The following KDM4A variants were observed in gnomAD, a reference collection of about 807,000 sequenced individuals.
The protein encoded by KDM4A is lysine-specific demethylase 4A.
In KDM4A, 23 loss-of-function variants were observed where a neutral mutation model predicts 127.1. The ratio of observed to expected loss-of-function variants is 0.18; its 90% CI spans 0.13 to 0.26. The LOEUF is 0.26. KDM4A is among the 10% of genes least tolerant of loss of function. The pLI is 1.00. For missense variants in KDM4A, 890 were observed against 1,329.1 expected, an observed-to-expected ratio of 0.67 and a Z score of 5.14; for synonymous variants, 443 against 466.5, an observed-to-expected ratio of 0.95 and a Z score of 0.65.
At chr1:43,654,724 TG>T (rs1660198288) in intron 2 of KDM4A, among the ~76,000 whole-genome samples, 1 of 135,718 alleles carries the variant, frequency 7.4e-6, no homozygotes, top group Admixed American at 7.4e-5. Flanking sequence ...TGTGTGTGTG[TG>T]TGTGTGTGTG....
chr1:43,688,018 T>A lies in KDM4A; in HGVS notation c.1856-896T>A, dbSNP rs2154048359. 6.6e-6 allele frequency among the ~76,000 whole-genome samples: 1 copy of A among 151,934 alleles called. No homozygotes were observed. The highest frequency in any genetic ancestry group is 2.1e-4 in the South Asian group (1 of 4,814). The stretch of plus-strand genomic sequence containing the variant: ...CTTCATTGGTCTCTGTGGTTGTCAC[T>A]GTTTTTTTTTTTTAAGCCCCAATGC... On this transcript the variant is annotated intron_variant, in intron 12 of 21. Transcript: ENST00000372396. This position sits in a 1 kb window ranked among gnomAD's most constrained non-coding sequence, Gnocchi z 4.4.
At chr1:43,665,938 G>C (rs1370440720) in intron 6 of KDM4A, among the ~76,000 whole-genome samples, 193 bp downstream of exon 6, 2 of 152,168 alleles carry the variant, frequency 1.3e-5, no homozygotes, top group African/African-American at 4.8e-5. Flanking sequence ...GACTGTCTGT[G>C]CCTCAGTTTT....
At chr1:43,682,373 A>G (rs1020111087) in intron 11 of KDM4A, among the ~76,000 whole-genome samples, 7 of 152,088 alleles carry the variant, frequency 4.6e-5, no homozygotes, top group Non-Finnish European at 1.0e-4. Context: ...TGCTTTCCGG[A>G]TGTACGTTTT....
intron 1 of KDM4A, 67 bp from the exon 2 acceptor site, chr1:43,653,070 G>A (rs918927901): frequency 3.9e-6 from 3 of 763,064 alleles, no homozygotes; most frequent in Non-Finnish European, 5.8e-6. Context: ...ACTGTTTTCA[G>A]AGTTGATGTT....
At chr1:43,665,205 G>GA (rs1312240923) in intron 5 of KDM4A, among the ~76,000 whole-genome samples, 2 of 152,142 alleles carry the variant, frequency 1.3e-5, no homozygotes, top group African/African-American at 4.8e-5. Context: ...GAGATAAAGG[G>GA]AAAGTGGGTT....
At chr1:43,681,211 A>G (rs1557913778) in intron 11 of KDM4A, among the ~76,000 whole-genome samples, 2 of 151,932 alleles carry the variant, frequency 1.3e-5, no homozygotes. Context: ...CAGCTCTTCT[A>G]TGTTCTTTGA....
At chr1:43,655,860 A>G in intron 3 of KDM4A, 94 bp downstream of exon 3, 1 of 1,040,892 alleles carries the variant, frequency 9.6e-7, no homozygotes, top group Non-Finnish European at 1.4e-6. Context: ...CCTGATGAAC[A>G]GTGTCTTCAG....
intron 11 of KDM4A, 52 bp from the exon 12 acceptor site, chr1:43,683,632 G>C: frequency 1.3e-6 from 2 of 1,587,670 alleles, no homozygotes; most frequent in Non-Finnish European, 1.7e-6. Flanking sequence ...GGTGACTTGT[G>C]CTGTGTCTCA....
At chr1:43,703,930 CCTTT>C in intron 20 of KDM4A, 86 bp from the exon 21 acceptor site, 1 of 1,342,894 alleles carries the variant, frequency 7.4e-7, no homozygotes, top group Non-Finnish European at 1.1e-6. Flanking sequence ...CTAACTCCTT[CCTTT>C]GACTGTAGGG....
intron 19 of KDM4A, among the ~76,000 whole-genome samples, chr1:43,698,269 C>T (rs535292570): frequency 3.3e-5 from 5 of 152,294 alleles, no homozygotes; most frequent in East Asian, 3.8e-4. Context: ...CATCTGTTGC[C>T]GTCTAAATTA....
rs774525009 is a variant in KDM4A, at chr1:43,690,960, C to T, written c.2153C>T (p.Thr718Met). The T allele has an allele frequency of 3.8e-5, 62 of 1,614,088 alleles. No homozygotes were observed. The highest frequency in any genetic ancestry group is 5.1e-5 in the Non-Finnish European group (60 of 1,180,054). Residue 718 changes from threonine (T) to methionine (M), a missense_variant, in exon 14 of 22, where the codon ACG becomes ATG. Coordinates refer to ENST00000372396, the MANE Select transcript of KDM4A (RefSeq NM_014663.3). ...TGCTTCACTTCGACTGGCTGCAGCA[C>T]GGACATCAACCTTTCTACTCCTTAT... ...EMCFTSTGCS[T>M]DINLSTPYLE...
chr1:43,701,043 A>G (rs926206203), intron 19 of KDM4A, among the ~76,000 whole-genome samples: 57 of 151,132 alleles, frequency 3.8e-4, no homozygotes, highest in African/African-American at 1.4e-3. Context: ...CTGCCTCAGC[A>G]TCCCAAGTAG....
Position 43,666,559 on chromosome 1 carries a change from A to T in KDM4A, c.777+4A>T, listed in dbSNP as rs1471418168. 1.2e-6 allele frequency: 2 copies of T among 1,611,212 alleles called. No homozygotes were observed. The stretch of plus-strand genomic sequence containing the variant: ...ATATGGAATTCCCTTTGACAAGGTG[A>T]GCTGATGTTACATGCCAAAGTTCTC... On this transcript the variant is annotated splice_donor_region_variant and intron_variant, in intron 7 of 21. Coordinates refer to ENST00000372396, the MANE Select transcript of KDM4A (RefSeq NM_014663.3).
At chr1:43,673,166 C>T (rs1660665627) in intron 11 of KDM4A, among the ~76,000 whole-genome samples, 2 of 152,050 alleles carry the variant, frequency 1.3e-5, no homozygotes, top group African/African-American at 4.8e-5. Context: ...CACTGGACCC[C>T]CACTACCCAA....
At chr1:43,700,216 A>G (rs1276547334) in intron 19 of KDM4A, among the ~76,000 whole-genome samples, 1 of 151,006 alleles carries the variant, frequency 6.6e-6, no homozygotes, top group Non-Finnish European at 1.5e-5. Flanking sequence ...CAACCTCCAC[A>G]TACCAGGCTC....
chr1:43,703,977 A>T (rs1436411508), intron 20 of KDM4A, 43 bp from the exon 21 acceptor site: 1 of 1,543,220 alleles, frequency 6.5e-7, no homozygotes, highest in Non-Finnish European at 9.0e-7. Flanking sequence ...CCAGGGAAAG[A>T]GTCAGGGATA....
intron 4 of KDM4A, among the ~76,000 whole-genome samples, chr1:43,662,231 T>G (rs192996808): frequency 9.9e-5 from 15 of 150,758 alleles, no homozygotes; most frequent in Non-Finnish European, 1.6e-4. Flanking sequence ...TTGCGATTTT[T>G]TTTTTTGTGG....
In KDM4A at chr1:43,665,706, C is replaced by G. The variant is rs778874325; in HGVS notation, c.634C>G (p.Pro212Ala). 1.2e-6 allele frequency: 2 copies of G among 1,614,056 alleles called. No homozygotes were observed. The highest frequency in any genetic ancestry group is 4.5e-5 in the East Asian group (2 of 44,876). ...CTCATGTGATTGCAGGTACTCTGTT[C>G]CACCTGAGCATGGAAAGCGGTTGGA... The part of the protein sequence containing the change: ...FGEPKSWYSV[P>A]PEHGKRLERL... Residue 212 changes from proline (P) to alanine (A), a missense_variant, in exon 6 of 22, where the codon CCA becomes GCA. Physicochemically the swap from Pro to Ala is conservative, Grantham distance 27. Coordinates refer to ENST00000372396, the MANE Select transcript of KDM4A (RefSeq NM_014663.3).
In KDM4A at chr1:43,704,464, G is replaced by T; in HGVS notation, c.*94G>T. 7.7e-7 allele frequency: 1 copy of T among 1,303,620 alleles called. No individual in the cohort carries two copies. Among genetic ancestry groups the T allele is most frequent in the East Asian group, 2.3e-5 (1 of 42,932 alleles). 80.8% of individuals were successfully genotyped at this position (1,303,620 alleles called of 1,614,324 possible). On this transcript the variant is annotated 3_prime_UTR_variant, in exon 22 of 22. Transcript: ENST00000372396. ...ACATGGAACGCTGAAGTCTCTGAAA[G>T]TGAAGTTGTAAAAAGAAAAGGAATG...
Sources: gnomAD v4.1 joint callset for allele counts (sites outside exome capture counted in the v4.1 genomes callset) on GRCh38, gnomAD v4.1.1 for gene constraint, Gnocchi (gnomAD v3.1) non-coding constraint, MANE v1.5 for transcripts, NCBI Gene and HGNC (gene_info 2026-07-23, HGNC 2026-07-21) for gene names.